Variants in INTS4 observed in about 807,000 individuals in gnomAD.
INTS4 encodes the protein integrator complex subunit 4.
INTS4 carries 70 observed loss-of-function variants against 119.5 expected under a neutral mutation model. The ratio of observed to expected loss-of-function variants is 0.59; its 90% confidence interval spans 0.48 to 0.71. INTS4 has a LOEUF of 0.71. INTS4 is among the 30% of genes least tolerant of loss of function. The probability of loss-of-function intolerance (pLI) is 0.00; values close to 1 mark genes in which losing one functional copy is unlikely to be tolerated. For synonymous variants in INTS4, 316 were observed against 419.6 expected, an observed-to-expected ratio of 0.75 and a Z score of 3.02; for missense variants, 867 against 1,173.2, an observed-to-expected ratio of 0.74 and a Z score of 3.81.
rs766558458 is a variant in INTS4, at chr11:77,883,812, C to A, written c.2713+20G>T. 78 of 1,611,404 alleles carry A rather than the reference C, an allele frequency of 4.8e-5. No homozygotes were observed. The highest frequency in any genetic ancestry group is 5.8e-5 in the Non-Finnish European group (68 of 1,178,608). On this transcript the variant is annotated intron_variant, in intron 22 of 22. Transcript: ENST00000534064. ...CTCCAGCAGCATATTTCCCTTCCCA[C>A]CCTGGTCCTGACTCCTTACCTGTCC...
At chr11:77,944,484 G>T (rs1954001270) in intron 8 of INTS4, among the ~76,000 whole-genome samples, 1 of 152,160 alleles carries the variant, frequency 6.6e-6, no homozygotes, top group Non-Finnish European at 1.5e-5. Flanking sequence ...TCAGTTCAGA[G>T]ATCAGCTCCT....
chr11:77,891,767 T>C lies in INTS4; in HGVS notation c.2362A>G (p.Met788Val), dbSNP rs755290472. 3.1e-6 allele frequency: 5 copies of C among 1,611,904 alleles called. No homozygotes were observed. Among genetic ancestry groups the C allele is most frequent in the Non-Finnish European group, 3.4e-6 (4 of 1,179,870 alleles). The change falls in exon 20 of 23, where the codon ATG becomes GTG. Residue 788 changes from methionine to valine, a missense_variant. Around this residue, in one of 5 missense-constraint regions of INTS4, gnomAD observed 262 missense variants for 376.0 expected, o/e 0.70. Coordinates refer to ENST00000534064, the MANE Select transcript of INTS4 (RefSeq NM_033547.4). ...DKLLDLMPRL[M>V]TSKPAEVVKI... ...ACCACTTCTGCAGGTTTGGATGTCA[T>C]GAGTCGGGGCATAAGGTCAAGGAGT...
At chr11:77,887,485 G>A (rs1018422298) in intron 21 of INTS4, among the ~76,000 whole-genome samples, 3 of 152,062 alleles carry the variant, frequency 2.0e-5, no homozygotes, top group Non-Finnish European at 2.9e-5. Context: ...GGCAAAAACT[G>A]GAAGCATTCC....
chr11:77,981,306 T>C (rs1314953341), intron 3 of INTS4, among the ~76,000 whole-genome samples, 153 bp downstream of exon 3: 1 of 152,120 alleles, frequency 6.6e-6, no homozygotes, highest in Non-Finnish European at 1.5e-5. Context: ...ACTGTATTTC[T>C]ACTCTAATGT....
chr11:77,903,093 G>GA (rs1451204534), intron 17 of INTS4, among the ~76,000 whole-genome samples: 1 of 152,118 alleles, frequency 6.6e-6, no homozygotes. Flanking sequence ...TTATAGAAGA[G>GA]AAAAAATCCA....
intron 2 of INTS4, chr11:77,987,568 C>A: frequency 6.9e-6 from 3 of 433,618 alleles, no homozygotes; most frequent in African/African-American, 2.1e-5. Flanking sequence ...TTCTTGAGAA[C>A]AGAAATCCTG....
chr11:77,939,197 C>T (rs1430656676), intron 9 of INTS4, among the ~76,000 whole-genome samples: 1 of 152,132 alleles, frequency 6.6e-6, no homozygotes, highest in Non-Finnish European at 1.5e-5. Flanking sequence ...AATTATCGGG[C>T]AGGGAGCAGG....
At chr11:77,903,268 G>C (rs1183632757) in intron 17 of INTS4, among the ~76,000 whole-genome samples, 2 of 152,248 alleles carry the variant, frequency 1.3e-5, no homozygotes, top group Non-Finnish European at 2.9e-5. Flanking sequence ...CCACAGCAGA[G>C]GTATAGAGCT....
intron 4 of INTS4, among the ~76,000 whole-genome samples, chr11:77,971,303 G>A (rs546902789): frequency 1.3e-5 from 2 of 151,436 alleles, no homozygotes; most frequent in African/African-American, 4.8e-5. Flanking sequence ...GTTTTTAATT[G>A]GGTTGTTTGT....
chr11:77,893,722 G>A (rs1386357871), intron 19 of INTS4, among the ~76,000 whole-genome samples: 1 of 151,792 alleles, frequency 6.6e-6, no homozygotes, highest in Non-Finnish European at 1.5e-5. Context: ...ATGAAACCCC[G>A]TCTCTACTAA....
At chr11:77,959,943 T>A (rs1008449312) in intron 6 of INTS4, among the ~76,000 whole-genome samples, 59 of 152,104 alleles carry the variant, frequency 3.9e-4, no homozygotes, top group Admixed American at 3.9e-3. Flanking sequence ...TTTTATATGA[T>A]CCTACGGTCT....
chr11:77,972,467 A>G (rs1855771002), intron 4 of INTS4, among the ~76,000 whole-genome samples: 1 of 151,124 alleles, frequency 6.6e-6, no homozygotes, highest in Non-Finnish European at 1.5e-5. Context: ...CCCAGGTTGG[A>G]GTGTGGTGGT....
At chr11:77,963,545 C>G in intron 4 of INTS4, 1 of 350,206 alleles carries the variant, frequency 2.9e-6, no homozygotes, top group South Asian at 2.1e-5. Flanking sequence ...AATAATAAGA[C>G]CAATTTGTGT....
chr11:77,960,605 A>T lies in INTS4; in HGVS notation c.658-214T>A, dbSNP rs577486387. ...AACCCATGGACTGTCCCAAGAAGGT[A>T]TTAGAAAAATATGAAATAATGATAT... On this transcript the variant is annotated intron_variant, in intron 5 of 22. Coordinates refer to ENST00000534064, the MANE Select transcript of INTS4 (RefSeq NM_033547.4). Among the ~76,000 whole-genome samples, 23 of 152,270 alleles carry T rather than the reference A, an allele frequency of 1.5e-4. No individual in the cohort carries two copies. The South Asian group carries it at 4.8e-3, about 32-fold the overall frequency.
At chr11:77,881,413 A>G (rs1423784394) in intron 22 of INTS4, among the ~76,000 whole-genome samples, 1 of 152,174 alleles carries the variant, frequency 6.6e-6, no homozygotes, top group African/African-American at 2.4e-5. Flanking sequence ...ATTAGGAGAA[A>G]GAAACTGCAA....
chr11:77,932,504 T>G lies in INTS4; in HGVS notation c.1166-3957A>C, dbSNP rs551176988. Among the ~76,000 whole-genome samples the G allele has an allele frequency of 3.9e-5, 6 of 152,322 alleles. No individual in the cohort carries two copies. The East Asian group carries it at 1.2e-3, about 29-fold the overall frequency. ...AGAAACAGGAACACTTTTACACTGT[T>G]GGTGGGAGTGTAAATTAGTTCAGCC... is the stretch of plus-strand genomic sequence containing the variant. On this transcript the variant is annotated intron_variant, in intron 10 of 22. Coordinates refer to ENST00000534064, the MANE Select transcript of INTS4 (RefSeq NM_033547.4).
intron 11 of INTS4, among the ~76,000 whole-genome samples, chr11:77,925,399 G>T (rs1953471657): frequency 6.6e-6 from 1 of 152,158 alleles, no homozygotes; most frequent in Non-Finnish European, 1.5e-5. Context: ...ATGTGACACA[G>T]ACATAAAGTG....
At chr11:77,889,374 C>T (rs1469789390) in intron 21 of INTS4, among the ~76,000 whole-genome samples, 2 of 141,956 alleles carry the variant, frequency 1.4e-5, no homozygotes, top group East Asian at 4.1e-4. Flanking sequence ...GGAAGGGGAA[C>T]ATCACACCCC....
intron 15 of INTS4, among the ~76,000 whole-genome samples, chr11:77,916,983 A>G (rs1790258): frequency 0.39 from 58,567 of 151,770 alleles, 11,433 homozygotes; most frequent in African/African-American, 0.43. Flanking sequence ...ACCTAATATA[A>G]TGGGAAAACA....
Sources: gnomAD v4.1 joint callset for allele counts (sites outside exome capture counted in the v4.1 genomes callset) on GRCh38, gnomAD v4.1.1 for gene constraint, gnomAD v4.1.1 regional missense constraint, MANE v1.5 for transcripts, NCBI Gene and HGNC (gene_info 2026-07-23, HGNC 2026-07-21) for gene names.